The following XRN1 variants were observed in gnomAD, a reference collection of about 807,000 sequenced individuals.
XRN1 encodes the protein strand-exchange protein 1 homolog.
A neutral mutation model predicts 222.3 loss-of-function variants in XRN1; 67 were observed. The observed-to-expected ratio is 0.30, with a 90% CI of 0.25 to 0.37. XRN1 has a LOEUF of 0.37. XRN1 is among the 10% of genes least tolerant of loss of function. The pLI, the probability that XRN1 is intolerant of heterozygous loss-of-function variation, is 1.00. For synonymous variants in XRN1, 643 were observed against 652.4 expected (o/e 0.99, Z 0.22); for missense variants, 1,707 against 2,000.2 (o/e 0.85, Z 2.80).
chr3:142,394,266 T>C (rs2107991795), intron 20 of XRN1, among the ~76,000 whole-genome samples: 1 of 152,370 alleles, frequency 6.6e-6, no homozygotes, highest in Middle Eastern at 3.4e-3. Context: ...ATTGTGCTCA[T>C]GTGGCAAAAT....
At chr3:142,358,699 G>C (rs533370187) in intron 30 of XRN1, among the ~76,000 whole-genome samples, 17 of 152,256 alleles carry the variant, frequency 1.1e-4, no homozygotes, top group African/African-American at 4.1e-4. Flanking sequence ...AAATCAGACA[G>C]GAGATCCGGA....
At position 142,397,378 on chromosome 3, in the gene XRN1, C is replaced by G. The variant is rs2067969495; in HGVS notation, c.2290G>C (p.Asp764His). The change falls in exon 20 of 41, where the codon GAT (aspartate) becomes CAT (histidine). Residue 764 changes from aspartate to histidine, a missense_variant. Asp to His is a moderately conservative substitution (Grantham distance 81). This residue lies in a region of XRN1 where 1,234 missense variants were observed against 1,518.2 expected (regional missense o/e 0.81). Coordinates refer to ENST00000392981, the MANE Select transcript of XRN1 (RefSeq NM_001282857.2). ...APPSKVVHLG[D>H]KEQSNWAKEV... ...TTTGCCCAGTTAGATTGTTCTTTAT[C>G]TCCAAGATGAACCACTTTAGATGGT... 44 of 1,609,542 alleles carry G rather than the reference C, an allele frequency of 2.7e-5. No homozygotes were observed. Among genetic ancestry groups the G allele is most frequent in the Non-Finnish European group, 3.7e-5 (43 of 1,177,548 alleles).
intron 1 of XRN1, among the ~76,000 whole-genome samples, chr3:142,438,776 A>G (rs2070051092): frequency 6.6e-6 from 1 of 152,230 alleles, no homozygotes; most frequent in South Asian, 2.1e-4. Flanking sequence ...CCTCTTCTGT[A>G]GAAAGGAGGG....
chr3:142,422,485 T>G, intron 8 of XRN1, 97 bp downstream of exon 8: 1 of 1,269,308 alleles, frequency 7.9e-7, no homozygotes, highest in South Asian at 1.3e-5. Flanking sequence ...TTTTCTGCTT[T>G]AGCGTGCATG....
chr3:142,420,692 C>T (rs1383487506), intron 10 of XRN1, among the ~76,000 whole-genome samples: 1 of 152,032 alleles, frequency 6.6e-6, no homozygotes, highest in Non-Finnish European at 1.5e-5. Flanking sequence ...TTTTTAATAA[C>T]ATGTTTTAAG....
At chr3:142,325,515 A>AT (rs142406067) in intron 37 of XRN1, among the ~76,000 whole-genome samples, 173 of 151,796 alleles carry the variant, frequency 1.1e-3, no homozygotes, top group Middle Eastern at 6.9e-3. Flanking sequence ...ATCAAATGGG[A>AT]TTTTTTGTTT....
chr3:142,350,137 A>G (rs2066262867), intron 32 of XRN1, among the ~76,000 whole-genome samples: 1 of 152,182 alleles, frequency 6.6e-6, no homozygotes, highest in African/African-American at 2.4e-5. Context: ...GGCCTTAGAC[A>G]TTAGTTTGAG....
chr3:142,421,047 G>A lies in XRN1; in HGVS notation c.1142C>T (p.Ala381Val). The part of the protein sequence containing the change: ...NEAAGVAAEE[A>V]RNYKEKKKLK... ...CTTTTTCTTTTCCTTGTAGTTCCTG[G>A]CTTCTTCTGCTGCGACACCTGCTGC... The change falls in exon 10 of 41, where the codon GCC becomes GTC. Residue 381 changes from alanine to valine, a missense_variant. This residue lies in a region of XRN1 where 1,234 missense variants were observed against 1,518.2 expected (regional missense o/e 0.81). Coordinates refer to ENST00000392981, the MANE Select transcript of XRN1 (RefSeq NM_001282857.2). 4 of 1,613,912 alleles carry A rather than the reference G, an allele frequency of 2.5e-6. No homozygotes were observed. The highest frequency in any genetic ancestry group is 3.4e-6 in the Non-Finnish European group (4 of 1,179,938).
chr3:142,433,008 A>T (rs1457722689), intron 1 of XRN1, 115 bp from the exon 2 acceptor site: 2 of 762,438 alleles, frequency 2.6e-6, no homozygotes, highest in Non-Finnish European at 4.0e-6. Flanking sequence ...GTATTCTATT[A>T]TACAAAAACT....
intron 20 of XRN1, among the ~76,000 whole-genome samples, chr3:142,394,391 A>G (rs561716904): frequency 2.0e-5 from 3 of 152,272 alleles, no homozygotes; most frequent in Admixed American, 2.0e-4. Flanking sequence ...TCCAACTTCA[A>G]AAAGGATCCT....
At chr3:142,402,818 G>T (rs1347620805) in intron 18 of XRN1, among the ~76,000 whole-genome samples, 9 of 151,362 alleles carry the variant, frequency 5.9e-5, no homozygotes, top group Admixed American at 5.9e-4. Flanking sequence ...TAGTTAATTA[G>T]CCTGGATATC....
In XRN1 at chr3:142,318,698, T is replaced by C; in HGVS notation, c.4519-4A>G. On this transcript the variant is annotated splice_polypyrimidine_tract_variant and splice_region_variant and intron_variant, in intron 38 of 40. Coordinates refer to ENST00000392981, the MANE Select transcript of XRN1 (RefSeq NM_001282857.2). ...GGAAATTCATGCCTAAGGAGCCCTG[T>C]GGAAGTATTTAAAAGTTACAAGACA... 2 of 1,609,800 alleles carry C rather than the reference T, an allele frequency of 1.2e-6. No homozygotes were observed. The highest frequency in any genetic ancestry group is 1.1e-5 in the South Asian group (1 of 90,314).
At chr3:142,312,995 A>G in intron 39 of XRN1, 1 of 1,014,560 alleles carries the variant, frequency 9.9e-7, no homozygotes, top group Non-Finnish European at 1.4e-6. Context: ...TGAAAAGGAG[A>G]ATACTACTAC....
At chr3:142,390,018 T>A (rs1391705372) in intron 20 of XRN1, among the ~76,000 whole-genome samples, 2 of 152,226 alleles carry the variant, frequency 1.3e-5, no homozygotes, top group Admixed American at 6.5e-5. Context: ...TTGGAAAGGA[T>A]CTTTTACTAT....
chr3:142,434,306 G>A (rs934947171), intron 1 of XRN1, among the ~76,000 whole-genome samples: 11 of 151,724 alleles, frequency 7.3e-5, no homozygotes. Flanking sequence ...GACAACAAAC[G>A]TGATAATTTC....
chr3:142,349,850 GCACC>G (rs1315775877), intron 32 of XRN1, among the ~76,000 whole-genome samples: 1 of 152,106 alleles, frequency 6.6e-6, no homozygotes, highest in African/African-American at 2.4e-5. Context: ...CAATGAAATA[GCACC>G]AAGTAAGAGG....
chr3:142,433,683 G>A (rs2069730276), intron 1 of XRN1, among the ~76,000 whole-genome samples: 1 of 152,122 alleles, frequency 6.6e-6, no homozygotes, highest in Non-Finnish European at 1.5e-5. Flanking sequence ...ACTGAAATGG[G>A]TAAAACTAAA....
chr3:142,384,187 G>A (rs1419235209), intron 21 of XRN1, among the ~76,000 whole-genome samples: 6 of 151,540 alleles, frequency 4.0e-5, no homozygotes, highest in African/African-American at 1.5e-4. Flanking sequence ...CAGGAGAATG[G>A]CGTGAACCCA....
At chr3:142,335,060 C>T (rs892612810) in intron 34 of XRN1, among the ~76,000 whole-genome samples, 9 of 151,880 alleles carry the variant, frequency 5.9e-5, no homozygotes, top group African/African-American at 1.4e-4. Context: ...AGGCTGGTCT[C>T]GAACTCCTGA....
Sources: gnomAD v4.1 joint callset for allele counts (sites outside exome capture counted in the v4.1 genomes callset) on GRCh38, gnomAD v4.1.1 for gene constraint, gnomAD v4.1.1 regional missense constraint, MANE v1.5 for transcripts, NCBI Gene and HGNC (gene_info 2026-07-23, HGNC 2026-07-21) for gene names.